Variants in AHRR observed in about 807,000 individuals in gnomAD.
AHRR encodes the protein aryl hydrocarbon receptor repressor, also known as ahR repressor.
AHRR carries 28 observed loss-of-function variants against 44.0 expected under a neutral mutation model. That is an observed-to-expected ratio of 0.64 (90% CI 0.47 to 0.87). The LOEUF (loss-of-function observed/expected upper bound fraction) is 0.87. Among genes scored for constraint, AHRR ranks in the 40% least tolerant of loss-of-function variants. AHRR has a pLI of 0.00. For missense variants in AHRR, 990 were observed against 953.9 expected, an observed-to-expected ratio of 1.04 and a Z score of -0.50; for synonymous variants, 434 against 407.0, an observed-to-expected ratio of 1.07 and a Z score of -0.80.
chr5:408,833 T>C (rs923481047), intron 4 of AHRR, among the ~76,000 whole-genome samples: 1 of 152,206 alleles, frequency 6.6e-6, no homozygotes, highest in African/African-American at 2.4e-5. Flanking sequence ...TGTGGGGTAA[T>C]TCCTTGATAA....
chr5:397,133 T>C (rs1399372033), intron 4 of AHRR, among the ~76,000 whole-genome samples: 2 of 125,378 alleles, frequency 1.6e-5, no homozygotes. Flanking sequence ...TGTTAGCCCC[T>C]GACCATCCAT....
Position 427,892 on chromosome 5 carries a change from C to T in AHRR, c.794C>T (p.Ser265Leu), listed in dbSNP as rs771358248. ...PSGAMLPPRL[S>L]LFCIAAPVLL... Reference sequence around the variant, plus strand: ...GGAGCCATGCTCCCGCCGCGGCTGTCGCTGTTCTGCATTGCGGCACCCGTT... The same window carrying T: ...GGAGCCATGCTCCCGCCGCGGCTGTTGCTGTTCTGCATTGCGGCACCCGTT... Residue 265 changes from serine to leucine, a missense_variant, in exon 8 of 11, where the codon TCG (serine) becomes TTG (leucine). Coordinates refer to ENST00000684583, the MANE Select transcript of AHRR (RefSeq NM_001377236.1). 5.0e-6 allele frequency: 8 copies of T among 1,614,006 alleles called. No homozygotes were observed. The highest frequency in any genetic ancestry group is 4.5e-5 in the East Asian group (2 of 44,902).
intron 3 of AHRR, among the ~76,000 whole-genome samples, chr5:354,913 C>T (rs368583836): frequency 5.9e-5 from 9 of 152,316 alleles, no homozygotes; most frequent in South Asian, 2.1e-4. Flanking sequence ...AGGAAAGTCA[C>T]GGTGATGCCC....
intron 3 of AHRR, among the ~76,000 whole-genome samples, chr5:375,913 T>C (rs1274292102): frequency 1.3e-5 from 2 of 152,170 alleles, no homozygotes; most frequent in Non-Finnish European, 2.9e-5. Context: ...AAATGGAGAA[T>C]GCACCATCCT....
Position 346,823 on chromosome 5 carries a change from C to A in AHRR, c.62+2859C>A, listed in dbSNP as rs929718944. The stretch of plus-strand genomic sequence containing the variant: ...GGGACCTGGGTGAATGATGAACACG[C>A]GGAAGCTCACGTAGCTTGCTGTGCC... On this transcript the variant is annotated intron_variant, in intron 2 of 10. Transcript: ENST00000684583. Among the ~76,000 whole-genome samples, 4 of 152,344 alleles carry A rather than the reference C, an allele frequency of 2.6e-5. No individual in the cohort carries two copies. In the South Asian group the frequency reaches 8.3e-4, roughly 32 times the overall value.
intron 3 of AHRR, among the ~76,000 whole-genome samples, chr5:355,999 C>G (rs938088246): frequency 2.6e-5 from 4 of 152,258 alleles, no homozygotes; most frequent in African/African-American, 9.6e-5. Context: ...AGATCTTAAA[C>G]TATGCCTCTT....
At chr5:328,286 GAGA>G (rs1741789917) in intron 1 of AHRR, among the ~76,000 whole-genome samples, 1 of 16,398 alleles carries the variant, frequency 6.1e-5, no homozygotes, top group African/African-American at 2.0e-4. Context: ...TTTTTTTTTT[GAGA>G]CAGAGTCTCC....
intron 4 of AHRR, among the ~76,000 whole-genome samples, chr5:391,569 CGG>C (rs1734459142): frequency 3.5e-3 from 9 of 2,600 alleles, no homozygotes; most frequent in Non-Finnish European, 5.7e-3. Flanking sequence ...AGAGCGTGCA[CGG>C]GGGCAGGGCG....
intron 3 of AHRR, among the ~76,000 whole-genome samples, chr5:376,277 C>T (rs1025975995): frequency 6.6e-6 from 1 of 152,118 alleles, no homozygotes; most frequent in South Asian, 2.1e-4. Flanking sequence ...TGGGTGGGGG[C>T]CCTGGGGGGT....
At chr5:354,025 C>T (rs1742957735) in intron 3 of AHRR, 114 bp downstream of exon 3, 1 of 1,125,758 alleles carries the variant, frequency 8.9e-7, no homozygotes, top group East Asian at 2.4e-5. Flanking sequence ...ACCATGTGCA[C>T]TCCCTTCTTC....
chr5:390,918 G>A (rs1331263937), intron 4 of AHRR, among the ~76,000 whole-genome samples: 3 of 152,172 alleles, frequency 2.0e-5, no homozygotes, highest in Admixed American at 1.3e-4. Flanking sequence ...CTTCTTTCAA[G>A]TTGTTTCTCG....
At position 431,187 on chromosome 5, in the gene AHRR, G is replaced by A. The variant is rs553672613; in HGVS notation, c.909-1276G>A. On this transcript the variant is annotated intron_variant, in intron 8 of 10. Coordinates refer to ENST00000684583, the MANE Select transcript of AHRR (RefSeq NM_001377236.1). ...CCCTGTGTGCGCACAGCCCTGTCCC[G>A]GCCCTGGGGTGGAGCGTAGGTGTGG... 1.3e-3 allele frequency among the ~76,000 whole-genome samples: 204 copies of A among 152,360 alleles called. 3 individuals carry two copies. The highest frequency in any genetic ancestry group is 0.011 in the South Asian group (54 of 4,830).
chr5:332,305 T>C (rs1476186771), intron 1 of AHRR, among the ~76,000 whole-genome samples: 1 of 149,660 alleles, frequency 6.7e-6, no homozygotes, highest in Non-Finnish European at 1.5e-5. Flanking sequence ...TCTCACTCTG[T>C]TGCCCAGGCT....
chr5:331,826 A>G (rs548835403), intron 1 of AHRR, among the ~76,000 whole-genome samples: 2 of 152,302 alleles, frequency 1.3e-5, no homozygotes, highest in South Asian at 4.1e-4. Context: ...ATGATAATCT[A>G]ATGCCTAATA....
At chr5:414,793 T>C (rs992750885) in intron 5 of AHRR, among the ~76,000 whole-genome samples, 19 of 152,198 alleles carry the variant, frequency 1.2e-4, no homozygotes, top group African/African-American at 4.6e-4. Context: ...AGTAGTATAT[T>C]AGGGTTCAGT....
intron 4 of AHRR, among the ~76,000 whole-genome samples, chr5:399,690 G>A (rs1272445218): frequency 6.6e-6 from 1 of 152,220 alleles, no homozygotes; most frequent in African/African-American, 2.4e-5. Context: ...GCACTGGCTG[G>A]TCTCTCAGCC....
In AHRR at chr5:422,858, G is replaced by C; in HGVS notation, c.571G>C (p.Gly191Arg). ...TGGGCAGCCCCCGCCCTTGGAGACA[G>C]GTGGGTGTCTGGGGTCCAAGTGAGT... ...VFGQPPPLET[G>R]DDAILGRLLR... Residue 191 changes from glycine to arginine, a missense_variant and splice_region_variant, in exon 6 of 11, where the codon GGA (glycine) becomes CGA (arginine). Physicochemically the swap from Gly to Arg is moderately radical, Grantham distance 125 (BLOSUM62 -2). Transcript: ENST00000684583. 1 of 1,609,588 alleles carries C rather than the reference G, an allele frequency of 6.2e-7. No individual in the cohort carries two copies. The highest frequency in any genetic ancestry group is 1.1e-5 in the South Asian group (1 of 90,644).
intron 4 of AHRR, 24 bp from the exon 5 acceptor site, chr5:413,320 T>C: frequency 3.2e-6 from 5 of 1,551,986 alleles, no homozygotes; most frequent in Non-Finnish European, 4.4e-6. Context: ...TCGATTTTTT[T>C]TTTTGTTTTG....
At chr5:386,052 A>G (rs1037220802) in intron 4 of AHRR, among the ~76,000 whole-genome samples, 1 of 151,798 alleles carries the variant, frequency 6.6e-6, no homozygotes, top group African/African-American at 2.4e-5. Context: ...TAAAATTTCA[A>G]TTTCATTCTT....
Sources: gnomAD v4.1 joint callset for allele counts (sites outside exome capture counted in the v4.1 genomes callset) on GRCh38, gnomAD v4.1.1 for gene constraint, MANE v1.5 for transcripts, NCBI Gene and HGNC (gene_info 2026-07-23, HGNC 2026-07-21) for gene names.